Variants in TEP1 observed in about 807,000 individuals in gnomAD.
TEP1 encodes telomerase associated protein 1.
A neutral mutation model predicts 306.3 loss-of-function variants in TEP1; 241 were observed. The ratio of observed to expected loss-of-function variants is 0.79; its 90% CI spans 0.71 to 0.88. The LOEUF (loss-of-function observed/expected upper bound fraction) is 0.88, where lower values mean the gene tolerates loss of function less well. Ranked by LOEUF, TEP1 falls within the 40% of genes least tolerant of loss-of-function variation. The pLI, the probability that TEP1 is intolerant of heterozygous loss-of-function variation, is 0.00. For missense variants in TEP1, 3,051 were observed against 3,276.1 expected (o/e 0.93, Z 1.68); for synonymous variants, 1,289 against 1,305.5 (o/e 0.99, Z 0.27).
Position 20,373,787 on chromosome 14 carries a change from G to C in TEP1, c.6495C>G (p.Ser2165Arg). 1 of 1,613,566 alleles carries C rather than the reference G, an allele frequency of 6.2e-7. No individual in the cohort carries two copies. Among genetic ancestry groups the C allele is most frequent in the Non-Finnish European group, 8.5e-7 (1 of 1,179,992 alleles). ...CCCACACTTTCAAGGTCCCATCCCG[G>C]CTCACAGACACCACGTGCTCCTCCT... Reference protein sequence around the residue: ...AAVEEHVVSVSRDGTLKVWDH... With the variant: ...AAVEEHVVSVRRDGTLKVWDH... Residue 2165 changes from serine (S) to arginine (R), a missense_variant, in exon 45 of 55, where the codon AGC becomes AGG. By Grantham distance (110) the Ser-to-Arg change is moderately radical. Transcript: ENST00000262715.
rs1876898769 is a variant in TEP1 at position 20,384,206 on chromosome 14, C to T, written c.3366G>A (p.Val1122=). The change falls in exon 24 of 55, where the codon GTG becomes GTA. Residue 1122 remains valine, a synonymous_variant. Coordinates refer to ENST00000262715, the MANE Select transcript of TEP1 (RefSeq NM_007110.5). ...GGACCAAGTCATCGTCTGGGATGGA[C>T]ACTGGCTGCTCCAGCAGGGCCCCAG... ...LQPGALLEQP[V]SIPDDDLVQA... 6.2e-7 allele frequency: 1 copy of T among 1,614,056 alleles called. No homozygotes were observed. Among genetic ancestry groups the T allele is most frequent in the Non-Finnish European group, 8.5e-7 (1 of 1,179,940 alleles).
chr14:20,390,692 G>T lies in TEP1; in HGVS notation c.2323C>A (p.Gln775Lys). The T allele has an allele frequency of 6.2e-7, 1 of 1,614,172 alleles. No homozygotes were observed. The highest frequency in any genetic ancestry group is 1.1e-5 in the South Asian group (1 of 91,078). Reference sequence around the variant, plus strand: ...GGATTAATACTCACAGGAACCCTTTGGCCAGCCAGAGACAGCAGGTATTTC... The same window carrying T: ...GGATTAATACTCACAGGAACCCTTTTGCCAGCCAGAGACAGCAGGTATTTC... ...FGKYLLSLAG[Q>K]RVPVDRVILL... The change falls in exon 15 of 55, where the codon CAA becomes AAA. Residue 775 changes from glutamine (Q) to lysine (K), a missense_variant. Around this residue, in one of 3 missense-constraint regions of TEP1, gnomAD observed 1,507 missense variants for 1,550.5 expected, o/e 0.97. Coordinates refer to ENST00000262715, the MANE Select transcript of TEP1 (RefSeq NM_007110.5).
rs1005320788 is a variant in TEP1, at chr14:20,382,123, C to G, written c.4274-60G>C. 4 of 1,610,658 alleles carry G rather than the reference C, an allele frequency of 2.5e-6. No individual in the cohort carries two copies. The African/African-American group carries it at 5.3e-5, about 22-fold the overall frequency. ...CCATACGGTGTCCCCGCCCCCACCACACCCAGTCTCTCCTTGAACTGCCTG... is the reference window on the plus strand; with the variant it reads ...CCATACGGTGTCCCCGCCCCCACCAGACCCAGTCTCTCCTTGAACTGCCTG... On this transcript the variant is annotated intron_variant, in intron 29 of 54. Transcript: ENST00000262715.
chr14:20,380,220 G>A lies in TEP1; in HGVS notation c.5003+15C>T, dbSNP rs778199921. ...TCTCTGGTGGGCTTACTAGGGTCTG[G>A]GGTCAAGGTCTTACCTTTGCTGATT... On this transcript the variant is annotated intron_variant, in intron 34 of 54. Coordinates refer to ENST00000262715, the MANE Select transcript of TEP1 (RefSeq NM_007110.5). 6.2e-7 allele frequency: 1 copy of A among 1,610,264 alleles called. No individual in the cohort carries two copies. Among genetic ancestry groups the A allele is most frequent in the Non-Finnish European group, 8.5e-7 (1 of 1,177,086 alleles).
chr14:20,382,494 G>A lies in TEP1; in HGVS notation c.4140+129C>T, dbSNP rs181098171. On this transcript the variant is annotated intron_variant, in intron 28 of 54. Transcript: ENST00000262715. ...AACAACAGTAGGAGGGAAGTGAGGC[G>A]AGGTATGAGGCGAGGATAGGGAGTG... is the stretch of plus-strand genomic sequence containing the variant. 43 of 1,519,964 alleles carry A rather than the reference G, an allele frequency of 2.8e-5. No homozygotes were observed. In the African/African-American group the frequency reaches 3.4e-4, roughly 12 times the overall value. The allele number at this position is 1,519,964 out of a possible 1,614,324, so 94.2% of individuals were successfully genotyped here. A position where few individuals can be genotyped will look rare whatever the true frequency, so the allele number is the denominator to read the frequency against.
At chr14:20,399,129 G>A (rs1263316607) in intron 9 of TEP1, among the ~76,000 whole-genome samples, 1 of 152,206 alleles carries the variant, frequency 6.6e-6, no homozygotes, top group Non-Finnish European at 1.5e-5. Flanking sequence ...CTGAGCTCAA[G>A]TGATTTGCCC....
chr14:20,397,933 A>G (rs1389105684), intron 9 of TEP1, among the ~76,000 whole-genome samples: 1 of 151,834 alleles, frequency 6.6e-6, no homozygotes, highest in African/African-American at 2.4e-5. Context: ...TTGTATTTTT[A>G]GTAGAGACGG....
At chr14:20,396,161 C>G (rs1051114676) in intron 10 of TEP1, among the ~76,000 whole-genome samples, 3 of 152,138 alleles carry the variant, frequency 2.0e-5, no homozygotes, top group Admixed American at 6.5e-5. Context: ...ACAGAAGGAG[C>G]CCCGTTTCTT....
In TEP1 at chr14:20,384,646, C is replaced by A; in HGVS notation, c.3175G>T (p.Glu1059Ter). Residue 1059 changes from glutamate to a stop codon, truncating the protein, a stop_gained, in exon 22 of 55, where the codon GAA (glutamate) becomes TAA (stop). Coordinates refer to ENST00000262715, the MANE Select transcript of TEP1 (RefSeq NM_007110.5). LOFTEE classifies it high-confidence loss of function. Reference sequence around the variant, plus strand: ...TGTCTGCTTAGGTAGCTCTTCAGTTCTGAGATCCGACGTGCGGCCTCTTCA... The same window carrying A: ...TGTCTGCTTAGGTAGCTCTTCAGTTATGAGATCCGACGTGCGGCCTCTTCA... ...ESEEAARRIS[E>*]LKSYLSRQKG... The A allele has an allele frequency of 6.2e-7, 1 of 1,614,036 alleles. No homozygotes were observed. The highest frequency in any genetic ancestry group is 1.3e-5 in the African/African-American group (1 of 75,022).
Position 20,381,828 on chromosome 14 carries a change from A to T in TEP1, c.4424+85T>A. 6.4e-7 allele frequency: 1 copy of T among 1,555,076 alleles called. No individual in the cohort carries two copies. Among genetic ancestry groups the T allele is most frequent in the South Asian group, 1.2e-5 (1 of 81,328 alleles). ...GTAGCTCATTCATGGTCTGGGAGCC[A>T]GTTGTTGAAGCTATACAGAGGGCCC... On this transcript the variant is annotated intron_variant, in intron 30 of 54. Coordinates refer to ENST00000262715, the MANE Select transcript of TEP1 (RefSeq NM_007110.5). The surrounding 1 kb of genome is among the most constrained non-coding windows in gnomAD (Gnocchi z 4.0).
chr14:20,408,348 A>C lies in TEP1; in HGVS notation c.92T>G (p.Leu31Trp). 6 of 1,612,588 alleles carry C rather than the reference A, an allele frequency of 3.7e-6. No individual in the cohort carries two copies. The highest frequency in any genetic ancestry group is 5.1e-6 in the Non-Finnish European group (6 of 1,179,738). Residue 31 changes from leucine to tryptophan, a missense_variant, in exon 2 of 55, where the codon TTG (leucine) becomes TGG (tryptophan). Physicochemically the swap from Leu to Trp is moderately conservative, Grantham distance 61 (BLOSUM62 -2). Coordinates refer to ENST00000262715, the MANE Select transcript of TEP1 (RefSeq NM_007110.5). ...AGATACATGCTGATGTAGTTTCTCC[A>C]AGGGCTGTAAGTCAGGGAGCATAGC... is the stretch of plus-strand genomic sequence containing the variant. Reference protein sequence around the residue: ...CLAMLPDLQPLEKLHQHVSTH... With the variant: ...CLAMLPDLQPWEKLHQHVSTH...
At chr14:20,410,306 C>T (rs1879551127) in intron 1 of TEP1, among the ~76,000 whole-genome samples, 1 of 152,098 alleles carries the variant, frequency 6.6e-6, no homozygotes, top group Admixed American at 6.5e-5. Flanking sequence ...ATAGATTTGT[C>T]TAAAGGACCT....
Position 20,381,709 on chromosome 14 carries a change from G to A in TEP1, c.4425-23C>T, listed in dbSNP as rs768466652. ...AAACTGTCCTCGTGTGAGGAAGGGA[G>A]AGAGAAGAAGGAAGAGGCCTGTCAG... On this transcript the variant is annotated intron_variant, in intron 30 of 54. Transcript: ENST00000262715. The surrounding 1 kb of genome is among the most constrained non-coding windows in gnomAD (Gnocchi z 4.0). 2.9e-5 allele frequency: 45 copies of A among 1,575,140 alleles called. No individual in the cohort carries two copies. The highest frequency in any genetic ancestry group is 3.6e-5 in the Non-Finnish European group (42 of 1,162,954).
intron 43 of TEP1, 38 bp from the exon 44 acceptor site, chr14:20,374,574 A>C (rs986554432): frequency 6.7e-7 from 1 of 1,492,246 alleles, no homozygotes; most frequent in African/African-American, 1.4e-5. Context: ...GATTATCAGC[A>C]TCCCTCCAGC....
intron 12 of TEP1, among the ~76,000 whole-genome samples, chr14:20,393,083 G>A (rs969736506): frequency 2.0e-5 from 3 of 152,088 alleles, no homozygotes; most frequent in Admixed American, 2.0e-4. Context: ...CGGGCGTGGT[G>A]GTGGGTGCCT....
chr14:20,383,064 G>A (rs1876734932), intron 27 of TEP1, 110 bp downstream of exon 27: 2 of 1,257,928 alleles, frequency 1.6e-6, no homozygotes, highest in African/African-American at 1.5e-5. Context: ...GAATTTCTGA[G>A]AAAACAAAGG....
In TEP1 at chr14:20,384,591, T is replaced by C; in HGVS notation, c.3221+9A>G. ...TCTGTACAGGTGCTCCCTACCTCCC[T>C]CAGCTCACCTGCGGCAGGTGATCCC... On this transcript the variant is annotated intron_variant, in intron 22 of 54. Transcript: ENST00000262715. 6.2e-7 allele frequency: 1 copy of C among 1,613,686 alleles called. No homozygotes were observed. Among genetic ancestry groups the C allele is most frequent in the Admixed American group, 1.7e-5 (1 of 60,006 alleles).
intron 51 of TEP1, 82 bp downstream of exon 51, chr14:20,371,136 A>G (rs1303904793): frequency 2.0e-5 from 24 of 1,198,728 alleles, no homozygotes; most frequent in Non-Finnish European, 1.7e-5. Flanking sequence ...TCCCTTCCCT[A>G]TCCTCCATGA....
chr14:20,372,069 C>T (rs539951477), intron 49 of TEP1, among the ~76,000 whole-genome samples: 1 of 152,164 alleles, frequency 6.6e-6, no homozygotes, highest in Non-Finnish European at 1.5e-5. Flanking sequence ...TTTATAAAAT[C>T]CAGATAATTA....
Sources: allele counts gnomAD v4.1 joint callset (sites outside exome capture counted in the v4.1 genomes callset), GRCh38; gene constraint gnomAD v4.1.1; regional missense constraint gnomAD v4.1.1; non-coding constraint Gnocchi (gnomAD v3.1); transcripts MANE v1.5; gene names NCBI Gene and HGNC (gene_info 2026-07-23, HGNC 2026-07-21).